Variants in POFUT1 observed in about 807,000 individuals in gnomAD.
The protein encoded by POFUT1 is GDP-fucose protein O-fucosyltransferase 1.
In POFUT1, 16 loss-of-function variants were observed where a neutral mutation model predicts 42.4. The ratio of observed to expected loss-of-function variants is 0.38; its 90% CI spans 0.26 to 0.57. The LOEUF (loss-of-function observed/expected upper bound fraction) is 0.57, where lower values mean the gene tolerates loss of function less well. POFUT1 is among the 20% of genes least tolerant of loss of function. The probability of loss-of-function intolerance (pLI) is 0.71; values close to 1 mark genes in which losing one functional copy is unlikely to be tolerated. For missense variants in POFUT1, 470 were observed against 504.6 expected (o/e 0.93, Z 0.66); for synonymous variants, 206 against 205.4 (o/e 1.00, Z -0.03).
chr20:32,234,670 G>A lies in POFUT1; in HGVS notation c.*9G>A, dbSNP rs200160144. 4.4e-5 allele frequency: 70 copies of A among 1,594,488 alleles called. No homozygotes were observed. Among genetic ancestry groups the A allele is most frequent in the South Asian group, 4.2e-4 (37 of 88,222 alleles). On this transcript the variant is annotated 3_prime_UTR_variant, in exon 7 of 7. Coordinates refer to ENST00000375749, the MANE Select transcript of POFUT1 (RefSeq NM_015352.2). ...TGCGGGACGAGTTCTGATTCTGGCCGGAGCACCAGACCCTCTGATCCTGGA... is the reference window on the plus strand; with the variant it reads ...TGCGGGACGAGTTCTGATTCTGGCCAGAGCACCAGACCCTCTGATCCTGGA...
chr20:32,234,653 G>A lies in POFUT1; in HGVS notation c.1159G>A (p.Glu387Lys), dbSNP rs1447118296. Residue 387 changes from glutamate (E) to lysine (K), a missense_variant, in exon 7 of 7, where the codon GAG becomes AAG. Coordinates refer to ENST00000375749, the MANE Select transcript of POFUT1 (RefSeq NM_015352.2). The part of the protein sequence containing the change: ...GMDRPPKLRD[E>K]F ...GGACAGGCCCCCTAAGCTGCGGGAC[G>A]AGTTCTGATTCTGGCCGGAGCACCA... 2.5e-6 allele frequency: 4 copies of A among 1,606,806 alleles called. No individual in the cohort carries two copies. The highest frequency in any genetic ancestry group is 1.1e-5 in the South Asian group (1 of 90,274).
chr20:32,233,380 G>A (rs1569163491), intron 6 of POFUT1, among the ~76,000 whole-genome samples: 4 of 152,308 alleles, frequency 2.6e-5, no homozygotes, highest in South Asian at 2.1e-4. Context: ...AGCACAGCAC[G>A]CACAAAGGTC....
chr20:32,231,229 T>G, intron 6 of POFUT1, 168 bp downstream of exon 6: 1 of 676,182 alleles, frequency 1.5e-6, no homozygotes, highest in African/African-American at 1.8e-5. Context: ...AGAGGCCTCC[T>G]CCGTAGTCTT....
intron 4 of POFUT1, chr20:32,223,510 G>A (rs1241650243): frequency 1.0e-6 from 1 of 985,238 alleles, no homozygotes; most frequent in Non-Finnish European, 1.2e-6. Flanking sequence ...GGTGGCAGGG[G>A]GCCGCAGATC....
intron 2 of POFUT1, 122 bp from the exon 3 acceptor site, chr20:32,215,147 C>T: frequency 1.5e-6 from 1 of 678,850 alleles, no homozygotes; most frequent in Non-Finnish European, 2.5e-6. Context: ...CCTTATCCTC[C>T]CAAAGTGCTG....
intron 4 of POFUT1, chr20:32,222,946 G>T: frequency 2.0e-6 from 2 of 984,720 alleles, no homozygotes; most frequent in Non-Finnish European, 2.4e-6. Flanking sequence ...CATGCAGAGA[G>T]CTGGAGGGAA....
At chr20:32,222,960 C>T in intron 4 of POFUT1, 1 of 984,034 alleles carries the variant, frequency 1.0e-6, no homozygotes, top group Non-Finnish European at 1.2e-6. Flanking sequence ...GAGGGAAAGG[C>T]AGTCCTTCAT....
At chr20:32,223,314 C>T (rs1219675642) in intron 4 of POFUT1, 45 of 985,316 alleles carry the variant, frequency 4.6e-5, no homozygotes, top group East Asian at 1.1e-4. Context: ...TTCCAGACAG[C>T]GCTGTCTTAC....
At chr20:32,216,020 A>G (rs951576430) in intron 3 of POFUT1, among the ~76,000 whole-genome samples, 2 of 152,232 alleles carry the variant, frequency 1.3e-5, no homozygotes, top group Admixed American at 6.5e-5. Context: ...ACCTTCCTGC[A>G]TCTCAGCAGG....
chr20:32,222,596 G>A (rs2047396355), intron 4 of POFUT1: 4 of 985,254 alleles, frequency 4.1e-6, no homozygotes, highest in Middle Eastern at 5.2e-4. Context: ...ACCTCGCCCG[G>A]GGTATGTTTG....
intron 4 of POFUT1, among the ~76,000 whole-genome samples, chr20:32,227,986 T>A (rs1283094439): frequency 6.6e-6 from 1 of 152,148 alleles, no homozygotes; most frequent in Non-Finnish European, 1.5e-5. Context: ...TATAAAAGGT[T>A]GGAATGCTCT....
At chr20:32,227,753 C>T (rs2047422090) in intron 4 of POFUT1, among the ~76,000 whole-genome samples, 1 of 152,190 alleles carries the variant, frequency 6.6e-6, no homozygotes, top group African/African-American at 2.4e-5. Context: ...TCTTGTTTTC[C>T]TCCAGGTCCC....
chr20:32,237,807 G>T lies in POFUT1; in HGVS notation c.*3146G>T, dbSNP rs540451624. 3.7e-6 allele frequency: 2 copies of T among 534,660 alleles called. No homozygotes were observed. Among genetic ancestry groups the T allele is most frequent in the African/African-American group, 3.8e-5 (2 of 52,082 alleles). The allele number at this position is 534,660 out of a possible 1,614,324, so 33.1% of individuals were successfully genotyped here. On this transcript the variant is annotated 3_prime_UTR_variant, in exon 7 of 7. Transcript: ENST00000375749. ...AGGGTTGCAGGCGAGAGACTGGGGT[G>T]CTGGGCTCCCCTAGACTAGGACTCC... is the stretch of plus-strand genomic sequence containing the variant.
At chr20:32,223,778 CAGA>C in intron 4 of POFUT1, 1 of 823,806 alleles carries the variant, frequency 1.2e-6, no homozygotes. Flanking sequence ...GGCTGGGAAT[CAGA>C]AGATTAAGCC....
intron 4 of POFUT1, 196 bp downstream of exon 4, chr20:32,216,917 G>T (rs1010139844): frequency 6.3e-7 from 1 of 1,578,668 alleles, no homozygotes. Context: ...ACATTGACCC[G>T]CCATGAGATT....
intron 5 of POFUT1, 90 bp downstream of exon 5, chr20:32,228,545 A>G (rs1006760239): frequency 9.2e-7 from 1 of 1,085,716 alleles, no homozygotes; most frequent in South Asian, 1.6e-5. Flanking sequence ...CGTCCCAGCC[A>G]GAGCAGAGAT....
At chr20:32,211,301 G>A (rs1271102318) in intron 2 of POFUT1, among the ~76,000 whole-genome samples, 1 of 149,246 alleles carries the variant, frequency 6.7e-6, no homozygotes, top group Non-Finnish European at 1.5e-5. Flanking sequence ...TTGAGATGGA[G>A]TCTTGCTCTC....
rs7263390 is a variant in POFUT1 at position 32,234,652 on chromosome 20, C to T, written c.1158C>T (p.Asp386=). 3.1e-3 allele frequency: 4,948 copies of T among 1,606,894 alleles called. 139 individuals carry two copies. In the African/African-American group the frequency reaches 0.055, roughly 18 times the overall value. The part of the protein sequence containing the change: ...FGMDRPPKLR[D]EF ...TGGACAGGCCCCCTAAGCTGCGGGA[C>T]GAGTTCTGATTCTGGCCGGAGCACC... The change falls in exon 7 of 7, where the codon GAC becomes GAT. Residue 386 remains aspartate (D), a synonymous_variant. Transcript: ENST00000375749.
At chr20:32,228,533 C>A in intron 5 of POFUT1, 78 bp downstream of exon 5, 7 of 1,250,480 alleles carry the variant, frequency 5.6e-6, no homozygotes, top group Non-Finnish European at 7.9e-6. Context: ...GGATCGGCCC[C>A]GCGTCCCAGC....
Sources: allele counts gnomAD v4.1 joint callset (sites outside exome capture counted in the v4.1 genomes callset), GRCh38; gene constraint gnomAD v4.1.1; transcripts MANE v1.5; gene names NCBI Gene and HGNC (gene_info 2026-07-23, HGNC 2026-07-21).